SMCO4: variants seen among roughly 807,000 people sequenced by gnomAD.
SMCO4 encodes single-pass membrane and coiled-coil domain-containing protein 4.
In SMCO4, 4 loss-of-function variants were observed where a neutral mutation model predicts 3.6. The observed-to-expected ratio is 1.11, with a 90% CI of 0.54 to 2.53. SMCO4 has a LOEUF of 2.53. SMCO4 is among the 30% of genes most tolerant of loss of function. SMCO4 has a pLI of 0.02. For missense variants in SMCO4, 70 were observed against 80.8 expected (o/e 0.87, Z 0.51); for synonymous variants, 36 against 35.3 (o/e 1.02, Z -0.07).
At chr11:93,502,156 A>T (rs1948846975) in intron 1 of SMCO4, among the ~76,000 whole-genome samples, 1 of 152,160 alleles carries the variant, frequency 6.6e-6, no homozygotes, top group Non-Finnish European at 1.5e-5. Flanking sequence ...ACATGGCCTT[A>T]GTTGTAAAGT....
At chr11:93,481,611 A>G (rs1204971483) in intron 2 of SMCO4, 1 of 777,176 alleles carries the variant, frequency 1.3e-6, no homozygotes, top group East Asian at 1.3e-4. Context: ...CAAGGAGCAA[A>G]GGGGAAAAAT....
chr11:93,493,457 C>T (rs1347419033), intron 2 of SMCO4, among the ~76,000 whole-genome samples: 1 of 152,126 alleles, frequency 6.6e-6, no homozygotes, highest in African/African-American at 2.4e-5. Context: ...TCACACGCCA[C>T]CCCCAAATAA....
At chr11:93,518,411 C>T (rs1452235651) in intron 1 of SMCO4, among the ~76,000 whole-genome samples, 1 of 152,174 alleles carries the variant, frequency 6.6e-6, no homozygotes, top group African/African-American at 2.4e-5. Context: ...AATAGTGCTG[C>T]CATGAAGATT....
chr11:93,553,904 C>A, the SMCO4 span, among the ~76,000 whole-genome samples: 3 of 152,212 alleles, frequency 2.0e-5, no homozygotes, highest in Non-Finnish European at 4.4e-5. Context: ...TCTGGTAGTT[C>A]CTCTCCTTTC....
intron 1 of SMCO4, among the ~76,000 whole-genome samples, chr11:93,504,951 A>C (rs958788651): frequency 6.6e-6 from 1 of 152,186 alleles, no homozygotes; most frequent in Non-Finnish European, 1.5e-5. Flanking sequence ...ACCACAGTGT[A>C]GGGTTTGTCT....
chr11:93,502,511 G>A (rs1026082789), intron 1 of SMCO4, among the ~76,000 whole-genome samples: 7 of 152,190 alleles, frequency 4.6e-5, no homozygotes, highest in African/African-American at 1.4e-4. Flanking sequence ...CAGGCTTAAA[G>A]GGCAGACTAT....
chr11:93,542,392 G>C (rs977282432), intron 1 of SMCO4, among the ~76,000 whole-genome samples: 8 of 152,160 alleles, frequency 5.3e-5, no homozygotes, highest in Non-Finnish European at 1.2e-4. Context: ...GAGGACATGG[G>C]AGTGTTTTCT....
chr11:93,550,306 G>A, the SMCO4 span, among the ~76,000 whole-genome samples: 1 of 152,148 alleles, frequency 6.6e-6, no homozygotes, highest in South Asian at 2.1e-4. Flanking sequence ...GAATTTTGGG[G>A]GGTTTTGCTT....
At chr11:93,514,414 ATATATAT>A (rs1565383130) in intron 1 of SMCO4, among the ~76,000 whole-genome samples, 6 of 19,596 alleles carry the variant, frequency 3.1e-4, no homozygotes, top group African/African-American at 7.1e-4. Flanking sequence ...ATATATATAT[ATATATAT>A]AAAATTTGGT....
At chr11:93,552,520 G>A in the SMCO4 span, among the ~76,000 whole-genome samples, 3 of 150,626 alleles carry the variant, frequency 2.0e-5, 1 homozygote, top group African/African-American at 7.3e-5. Context: ...TCCCCAGGCT[G>A]TAGTACAATG....
upstream of SMCO4, among the ~76,000 whole-genome samples, chr11:93,546,685 T>A (rs1170049533): frequency 1.3e-5 from 2 of 152,236 alleles, no homozygotes; most frequent in Non-Finnish European, 2.9e-5. Context: ...TTAGTTGAAC[T>A]CTTCTGTTTT....
intron 1 of SMCO4, among the ~76,000 whole-genome samples, chr11:93,534,496 T>G (rs1163739549): frequency 6.6e-6 from 1 of 152,144 alleles, no homozygotes. Context: ...AACATTATTC[T>G]TTTAATCTTC....
At chr11:93,513,010 G>A (rs1417289743) in intron 1 of SMCO4, among the ~76,000 whole-genome samples, 2 of 152,180 alleles carry the variant, frequency 1.3e-5, no homozygotes, top group Non-Finnish European at 2.9e-5. Context: ...GAGGTGTGGG[G>A]AAACCAGATT....
chr11:93,499,785 C>T (rs949394140), intron 1 of SMCO4, among the ~76,000 whole-genome samples: 2 of 152,142 alleles, frequency 1.3e-5, no homozygotes, highest in African/African-American at 4.8e-5. Context: ...GGTGAAGGAA[C>T]AGAGGCTTTT....
intron 1 of SMCO4, among the ~76,000 whole-genome samples, chr11:93,513,780 C>T (rs538525100): frequency 6.6e-6 from 1 of 152,292 alleles, no homozygotes; most frequent in East Asian, 1.9e-4. Flanking sequence ...ACATCAGAAT[C>T]GTAGTTATTA....
chr11:93,549,279 C>T, the SMCO4 span, among the ~76,000 whole-genome samples: 7 of 152,288 alleles, frequency 4.6e-5, no homozygotes, highest in Middle Eastern at 3.4e-3. Context: ...AGACTTAGAA[C>T]GTTTAAGCAA....
chr11:93,495,452 C>T (rs933143858), intron 2 of SMCO4, among the ~76,000 whole-genome samples: 2 of 152,030 alleles, frequency 1.3e-5, no homozygotes, highest in Admixed American at 6.5e-5. Flanking sequence ...GCAGGACCTC[C>T]GACACACACA....
intron 1 of SMCO4, among the ~76,000 whole-genome samples, chr11:93,501,771 G>A (rs1020896128): frequency 3.9e-5 from 6 of 152,058 alleles, no homozygotes; most frequent in South Asian, 2.1e-4. Context: ...CAACTACGGC[G>A]GGTTTGGGTA....
At chr11:93,489,135 G>A (rs909369609) in intron 2 of SMCO4, among the ~76,000 whole-genome samples, 2 of 152,160 alleles carry the variant, frequency 1.3e-5, no homozygotes, top group Non-Finnish European at 2.9e-5. Flanking sequence ...GGAAGACTCG[G>A]AGGCAGTGCC....
Sources: allele counts gnomAD v4.1 joint callset (sites outside exome capture counted in the v4.1 genomes callset), GRCh38; gene constraint gnomAD v4.1.1; transcripts MANE v1.5; gene names NCBI Gene and HGNC (gene_info 2026-07-23, HGNC 2026-07-21).